C1QTNF1: variants seen among roughly 807,000 people sequenced by gnomAD.
C1QTNF1 encodes complement C1q tumor necrosis factor-related protein 1.
C1QTNF1 carries 22 observed loss-of-function variants against 27.8 expected under a neutral mutation model. That is an observed-to-expected ratio of 0.79 (90% CI 0.56 to 1.13). The LOEUF (loss-of-function observed/expected upper bound fraction) is 1.13, where lower values mean the gene tolerates loss of function less well. Among genes scored for constraint, C1QTNF1 ranks in the 50% most tolerant of loss-of-function variants. The pLI, the probability that C1QTNF1 is intolerant of heterozygous loss-of-function variation, is 0.00. For synonymous variants in C1QTNF1, 166 were observed against 154.3 expected, an observed-to-expected ratio of 1.08 and a Z score of -0.56; for missense variants, 373 against 380.2, an observed-to-expected ratio of 0.98 and a Z score of 0.16.
At position 79,028,406 on chromosome 17, in the gene C1QTNF1, GA is replaced by G. The variant is rs1438216390; in HGVS notation, c.-15+3914del. Among the ~76,000 whole-genome samples the G allele has an allele frequency of 3.9e-5, 6 of 152,326 alleles. No homozygotes were observed. In the East Asian group the frequency reaches 1.2e-3, roughly 29 times the overall value. On this transcript the variant is annotated intron_variant, in intron 1 of 3. Coordinates refer to ENST00000579760, the MANE Select transcript of C1QTNF1 (RefSeq NM_030968.5). The stretch of plus-strand genomic sequence containing the variant: ...GTGGGTTCGAGGCAGATGTAGGTCA[GA>G]AGGCGGGCAGGGCCCCCTGACTCTG...
In C1QTNF1 at chr17:79,035,735, T is replaced by A. The variant is rs79505692; in HGVS notation, c.-14-8220T>A. 9.8e-3 allele frequency among the ~76,000 whole-genome samples: 1,494 copies of A among 152,270 alleles called. 46 individuals carry two copies. The East Asian group carries it at 0.12, about 12-fold the overall frequency. ...CGTGAGCCACCATACCTGGCCTGAATCCAATTCTTGAACTGGACACCACTA... is the reference window on the plus strand; with the variant it reads ...CGTGAGCCACCATACCTGGCCTGAAACCAATTCTTGAACTGGACACCACTA... On this transcript the variant is annotated intron_variant, in intron 1 of 3. Coordinates refer to ENST00000579760, the MANE Select transcript of C1QTNF1 (RefSeq NM_030968.5).
At chr17:79,045,681 A>G (rs1339561816) in intron 2 of C1QTNF1, among the ~76,000 whole-genome samples, 2 of 152,176 alleles carry the variant, frequency 1.3e-5, no homozygotes, top group South Asian at 4.1e-4. Context: ...GCTCAGAAAG[A>G]GAAGATTCCA....
At position 79,047,926 on chromosome 17, in the gene C1QTNF1, C is replaced by T. The variant is rs773397249; in HGVS notation, c.684C>T (p.Arg228=). Residue 228 remains arginine, a synonymous_variant, in exon 4 of 4, where the codon CGC becomes CGT. Coordinates refer to ENST00000579760, the MANE Select transcript of C1QTNF1 (RefSeq NM_030968.5). ...TCTTGTTCGCGCAGGTGGGCGACCG[C>T]AGCATCATGCAAAGCCAGAGCCTGA... The part of the protein sequence containing the change: ...VVILFAQVGD[R]SIMQSQSLML... 5 of 1,613,948 alleles carry T rather than the reference C, an allele frequency of 3.1e-6. No homozygotes were observed. The highest frequency in any genetic ancestry group is 2.7e-5 in the African/African-American group (2 of 74,940).
At chr17:79,032,689 C>T (rs1193893147) in intron 1 of C1QTNF1, among the ~76,000 whole-genome samples, 2 of 152,138 alleles carry the variant, frequency 1.3e-5, no homozygotes, top group African/African-American at 4.8e-5. Context: ...GCATAGCTTT[C>T]ACCAAGCTGC....
At chr17:79,025,887 AT>A in intron 1 of C1QTNF1, 1 of 398,438 alleles carries the variant, frequency 2.5e-6, no homozygotes, top group Non-Finnish European at 5.1e-6. Flanking sequence ...CATCATCACC[AT>A]CATCATCATC....
intron 1 of C1QTNF1, among the ~76,000 whole-genome samples, chr17:79,026,446 G>A (rs1387497887): frequency 6.6e-6 from 1 of 152,304 alleles, no homozygotes; most frequent in South Asian, 2.1e-4. Context: ...GAGCCACCGC[G>A]CCTGGCCTCC....
At chr17:79,031,251 T>C (rs76921945) in intron 1 of C1QTNF1, among the ~76,000 whole-genome samples, 4,801 of 152,050 alleles carry the variant, frequency 0.032, 168 homozygotes, top group East Asian at 0.12. Flanking sequence ...GTGATCTGCC[T>C]GCCTCGGCCT....
chr17:79,028,911 T>C (rs1026483930), intron 1 of C1QTNF1, among the ~76,000 whole-genome samples: 136 of 148,256 alleles, frequency 9.2e-4, no homozygotes, highest in African/African-American at 3.3e-3. Context: ...TGTGTGTGTG[T>C]GCATGCACGC....
intron 1 of C1QTNF1, among the ~76,000 whole-genome samples, chr17:79,038,456 G>A (rs2072318513): frequency 6.6e-6 from 1 of 152,234 alleles, no homozygotes; most frequent in Non-Finnish European, 1.5e-5. Flanking sequence ...TTGAGGAAGG[G>A]ACGCTGAAGA....
rs555511454 is a variant in C1QTNF1, at chr17:79,033,097, G to A, written c.-15+8603G>A. Among the ~76,000 whole-genome samples the A allele has an allele frequency of 1.8e-3, 266 of 150,768 alleles. 1 individual carries two copies. Among genetic ancestry groups the A allele is most frequent in the African/African-American group, 6.1e-3 (250 of 41,118 alleles). On this transcript the variant is annotated intron_variant, in intron 1 of 3. Coordinates refer to ENST00000579760, the MANE Select transcript of C1QTNF1 (RefSeq NM_030968.5). ...AAAAAAAAAAAAAAAAAGTCTTAGC[G>A]CAGAGCAAAGAGGAGGTGTTCAGCA...
intron 1 of C1QTNF1, chr17:79,025,901 CACCAT>C: frequency 9.2e-6 from 4 of 435,088 alleles, no homozygotes; most frequent in Non-Finnish European, 1.9e-5. Flanking sequence ...TCATCATCAT[CACCAT>C]CATCATCATC....
intron 1 of C1QTNF1, among the ~76,000 whole-genome samples, chr17:79,029,933 G>C (rs2072080864): frequency 2.0e-5 from 3 of 152,202 alleles, no homozygotes; most frequent in African/African-American, 7.2e-5. Context: ...CTGCTGGGTA[G>C]GTAGTAGACA....
At chr17:79,023,704 G>GCGCGCGCGCACACACACACA (rs1267428917), upstream of C1QTNF1, among the ~76,000 whole-genome samples, 6 of 145,030 alleles carry the variant, frequency 4.1e-5, no homozygotes, top group East Asian at 8.7e-4. Context: ...GCGCGCGCGC[G>GCGCGCGCGCACACACACACA]CACACACACA....
At chr17:79,034,818 G>A (rs1414784569) in intron 1 of C1QTNF1, among the ~76,000 whole-genome samples, 1 of 152,114 alleles carries the variant, frequency 6.6e-6, no homozygotes, top group African/African-American at 2.4e-5. Flanking sequence ...CAGGAGAGAG[G>A]GAGATTGAGA....
chr17:79,029,415 G>T lies in C1QTNF1; in HGVS notation c.-15+4921G>T, dbSNP rs375553869. On this transcript the variant is annotated intron_variant, in intron 1 of 3. Transcript: ENST00000579760. ...GCTCCATCGCTCTGAGGCTGTTTGC[G>T]CATTCTAAGGATCAGGTATTCTAAG... Among the ~76,000 whole-genome samples the T allele has an allele frequency of 5.9e-5, 9 of 152,192 alleles. No homozygotes were observed. In the South Asian group the frequency reaches 1.7e-3, roughly 28 times the overall value.
At chr17:79,034,961 T>C (rs531713510) in intron 1 of C1QTNF1, among the ~76,000 whole-genome samples, 1 of 151,926 alleles carries the variant, frequency 6.6e-6, no homozygotes, top group South Asian at 2.1e-4. Context: ...CTGAGACCAG[T>C]GGGGGCAGTG....
At chr17:79,023,351 G>C (rs1388616027), upstream of C1QTNF1, among the ~76,000 whole-genome samples, 1 of 152,194 alleles carries the variant, frequency 6.6e-6, no homozygotes, top group Non-Finnish European at 1.5e-5. Flanking sequence ...TAAGTTTCCA[G>C]AGCAAGCTGG....
In C1QTNF1 at chr17:79,046,343, G is replaced by A. The variant is rs1183922370; in HGVS notation, c.156-212G>A. Among the ~76,000 whole-genome samples, 1 of 152,220 alleles carries A rather than the reference G, an allele frequency of 6.6e-6. No homozygotes were observed. The highest frequency in any genetic ancestry group is 1.5e-5 in the Non-Finnish European group (1 of 68,040). ...GATCGCTGCGTGTGTTTCCAGGACTGTCATTGCCTTTAACAGAGGGCAGGG... is the reference window on the plus strand; with the variant it reads ...GATCGCTGCGTGTGTTTCCAGGACTATCATTGCCTTTAACAGAGGGCAGGG... On this transcript the variant is annotated intron_variant, in intron 2 of 3. Transcript: ENST00000579760. The surrounding 1 kb of genome is among the most constrained non-coding windows in gnomAD (Gnocchi z 4.8).
chr17:79,047,957 G>C lies in C1QTNF1; in HGVS notation c.715G>C (p.Glu239Gln), dbSNP rs1200622140. 4.3e-6 allele frequency: 7 copies of C among 1,613,740 alleles called. No homozygotes were observed. In the African/African-American group the frequency reaches 9.3e-5, roughly 22 times the overall value. The change falls in exon 4 of 4, where the codon GAG (glutamate) becomes CAG (glutamine). Residue 239 changes from glutamate to glutamine, a missense_variant. By Grantham distance (29) the Glu-to-Gln change is conservative. Coordinates refer to ENST00000579760, the MANE Select transcript of C1QTNF1 (RefSeq NM_030968.5). ...SIMQSQSLML[E>Q]LREQDQVWVR... The stretch of plus-strand genomic sequence containing the variant: ...CATGCAAAGCCAGAGCCTGATGCTG[G>C]AGCTGCGAGAGCAGGACCAGGTGTG...
Sources: allele counts gnomAD v4.1 joint callset (sites outside exome capture counted in the v4.1 genomes callset), GRCh38; gene constraint gnomAD v4.1.1; non-coding constraint Gnocchi (gnomAD v3.1); transcripts MANE v1.5; gene names NCBI Gene and HGNC (gene_info 2026-07-23, HGNC 2026-07-21).